PLD1: variants seen among roughly 807,000 people sequenced by gnomAD.
PLD1 encodes phospholipase D1.
A neutral mutation model predicts 137.1 loss-of-function variants in PLD1; 112 were observed. That is an observed-to-expected ratio of 0.82 (90% CI 0.70 to 0.96). PLD1 has a LOEUF of 0.96. Among genes scored for constraint, PLD1 ranks in the 40% least tolerant of loss-of-function variants. The pLI, the probability that PLD1 is intolerant of heterozygous loss-of-function variation, is 0.00. For missense variants in PLD1, 1,321 were observed against 1,342.0 expected (o/e 0.98, Z 0.24); for synonymous variants, 431 against 454.7 (o/e 0.95, Z 0.66).
At chr3:171,685,140 C>T (rs1298828068) in intron 16 of PLD1, among the ~76,000 whole-genome samples, 1 of 152,092 alleles carries the variant, frequency 6.6e-6, no homozygotes, top group Non-Finnish European at 1.5e-5. Context: ...CTTTTTTTAG[C>T]TCATCAGCTA....
intron 1 of PLD1, among the ~76,000 whole-genome samples, chr3:171,770,661 C>A (rs982469541): frequency 1.3e-5 from 2 of 151,872 alleles, no homozygotes; most frequent in Non-Finnish European, 2.9e-5. Context: ...GCAGGCAAAT[C>A]GCTTGAGCCC....
chr3:171,644,734 G>T (rs1736048014), intron 22 of PLD1, among the ~76,000 whole-genome samples, 176 bp downstream of exon 22: 1 of 152,108 alleles, frequency 6.6e-6, no homozygotes, highest in African/African-American at 2.4e-5. Flanking sequence ...ATTTATCATT[G>T]TAGGCTCCAT....
chr3:171,764,825 G>GAA (rs1387154812), intron 1 of PLD1, among the ~76,000 whole-genome samples: 8 of 22,740 alleles, frequency 3.5e-4, no homozygotes, highest in Admixed American at 2.6e-3. Context: ...AAGAAAGAAA[G>GAA]AGAAAGAAAG....
At position 171,677,492 on chromosome 3, in the gene PLD1, C is replaced by G. The variant is rs901992312; in HGVS notation, c.1996+74G>C. On this transcript the variant is annotated intron_variant, in intron 17 of 26. Coordinates refer to ENST00000351298, the MANE Select transcript of PLD1 (RefSeq NM_002662.5). ...CAAAACAAAAGGCATTTAGATCATG[C>G]ACATGTATACTTGCTGAGATGTTCA... 3.6e-6 allele frequency: 5 copies of G among 1,403,060 alleles called. No individual in the cohort carries two copies. The African/African-American group carries it at 7.2e-5, about 20-fold the overall frequency. 86.9% of individuals were successfully genotyped at this position (1,403,060 alleles called of 1,614,324 possible). A position where few individuals can be genotyped will look rare whatever the true frequency, so the allele number is the denominator to read the frequency against.
intron 1 of PLD1, among the ~76,000 whole-genome samples, chr3:171,739,109 T>G (rs1719589577): frequency 6.6e-6 from 1 of 151,958 alleles, no homozygotes; most frequent in African/African-American, 2.4e-5. Flanking sequence ...CTGATATGGG[T>G]GAGGAAAATG....
In PLD1 at chr3:171,709,515, A is replaced by G. The variant is rs368533470; in HGVS notation, c.1061+45T>C. 106 of 1,566,406 alleles carry G rather than the reference A, an allele frequency of 6.8e-5. No individual in the cohort carries two copies. The African/African-American group carries it at 1.2e-3, about 18-fold the overall frequency. ...GGTGAATTTAGGCCAGTGTAATATT[A>G]GATGCTATGACTGCCTTGACAGGCT... On this transcript the variant is annotated intron_variant, in intron 10 of 26. Coordinates refer to ENST00000351298, the MANE Select transcript of PLD1 (RefSeq NM_002662.5).
chr3:171,743,902 C>G (rs981367587), intron 1 of PLD1, among the ~76,000 whole-genome samples: 1 of 152,154 alleles, frequency 6.6e-6, no homozygotes, highest in Non-Finnish European at 1.5e-5. Context: ...GATTAAGTGA[C>G]ATAATCAATG....
intron 1 of PLD1, among the ~76,000 whole-genome samples, chr3:171,798,108 C>G (rs1251457630): frequency 6.6e-6 from 1 of 152,174 alleles, no homozygotes; most frequent in African/African-American, 2.4e-5. Context: ...TAAGATTGTC[C>G]TATTATATAA....
Position 171,713,379 on chromosome 3 carries a change from T to C in PLD1, c.911+514A>G, listed in dbSNP as rs373739385. On this transcript the variant is annotated intron_variant, in intron 9 of 26. Coordinates refer to ENST00000351298, the MANE Select transcript of PLD1 (RefSeq NM_002662.5). ...AGGAGGCTGAAGTGGGAGAATCGCTTGAACCTGAAAGATAGAGTTTCAGTG... is the reference window on the plus strand; with the variant it reads ...AGGAGGCTGAAGTGGGAGAATCGCTCGAACCTGAAAGATAGAGTTTCAGTG... 3.1e-4 allele frequency among the ~76,000 whole-genome samples: 47 copies of C among 152,296 alleles called. No homozygotes were observed. The East Asian group carries it at 5.8e-3, about 19-fold the overall frequency.
chr3:171,741,692 T>C (rs1458081165), intron 1 of PLD1, among the ~76,000 whole-genome samples: 2 of 152,252 alleles, frequency 1.3e-5, no homozygotes, highest in African/African-American at 4.8e-5. Context: ...AAGGGTTTTT[T>C]TATTCTCGTT....
intron 1 of PLD1, chr3:171,810,035 C>G (rs907886346): frequency 1.3e-5 from 2 of 152,410 alleles, no homozygotes; most frequent in African/African-American, 2.4e-5. Context: ...GCCCGGATGA[C>G]CTGGGGACAC....
intron 1 of PLD1, among the ~76,000 whole-genome samples, chr3:171,742,357 C>T (rs1370732206): frequency 1.3e-5 from 2 of 152,132 alleles, no homozygotes; most frequent in Non-Finnish European, 2.9e-5. Flanking sequence ...TCCAGAGTAA[C>T]TAAGACTGTA....
intron 21 of PLD1, among the ~76,000 whole-genome samples, chr3:171,651,499 C>T (rs1736765261): frequency 6.6e-6 from 1 of 152,156 alleles, no homozygotes; most frequent in Non-Finnish European, 1.5e-5. Context: ...CTCATCTGCA[C>T]ATGAAAGAAC....
chr3:171,693,672 T>C (rs1003007773), intron 12 of PLD1, among the ~76,000 whole-genome samples: 1 of 152,154 alleles, frequency 6.6e-6, no homozygotes, highest in Non-Finnish European at 1.5e-5. Context: ...GCATATATAC[T>C]GGATTATGTA....
At chr3:171,604,468 G>T (rs542871879) in intron 26 of PLD1, among the ~76,000 whole-genome samples, 1 of 151,638 alleles carries the variant, frequency 6.6e-6, no homozygotes, top group Non-Finnish European at 1.5e-5. Context: ...AGAGGTTCAC[G>T]TCTGTCCCTG....
chr3:171,757,486 C>CAATT (rs1721108261), intron 1 of PLD1, among the ~76,000 whole-genome samples: 1 of 152,082 alleles, frequency 6.6e-6, no homozygotes, highest in Non-Finnish European at 1.5e-5. Context: ...TCATGCTGGG[C>CAATT]AATTGTTGGA....
At chr3:171,692,294 A>C (rs1715245626) in intron 13 of PLD1, 38 bp downstream of exon 13, 1 of 971,136 alleles carries the variant, frequency 1.0e-6, no homozygotes, top group African/African-American at 1.6e-5. Context: ...CCTATAGAAT[A>C]ATAAAGAAAC....
At chr3:171,735,975 G>C (rs909186657) in intron 3 of PLD1, among the ~76,000 whole-genome samples, 2 of 152,172 alleles carry the variant, frequency 1.3e-5, no homozygotes, top group Admixed American at 6.5e-5. Flanking sequence ...GCCCTAATTA[G>C]CCTTCAGGGG....
rs1233138480 is a variant in PLD1, at chr3:171,687,399, A to C, written c.1725T>G (p.Asp575Glu). ...AGGTGCTGTCAATGCTGCTGATGCTATCTGCGTCGTGCAGGTGGTGCCTGT... is the reference window on the plus strand; with the variant it reads ...AGGTGCTGTCAATGCTGCTGATGCTCTCTGCGTCGTGCAGGTGGTGCCTGT... Reference protein sequence around the residue: ...QLHRHHLHDADSISSIDSTSS... With the variant: ...QLHRHHLHDAESISSIDSTSS... The change falls in exon 15 of 27, where the codon GAT becomes GAG. Residue 575 changes from aspartate to glutamate, a missense_variant. Asp to Glu is a conservative substitution (Grantham distance 45). Coordinates refer to ENST00000351298, the MANE Select transcript of PLD1 (RefSeq NM_002662.5). 6.2e-7 allele frequency: 1 copy of C among 1,614,178 alleles called. No individual in the cohort carries two copies. The highest frequency in any genetic ancestry group is 1.1e-5 in the South Asian group (1 of 91,086).
Sources: allele counts gnomAD v4.1 joint callset (sites outside exome capture counted in the v4.1 genomes callset), GRCh38; gene constraint gnomAD v4.1.1; transcripts MANE v1.5; gene names NCBI Gene and HGNC (gene_info 2026-07-23, HGNC 2026-07-21).